BRWD3: variants seen among roughly 807,000 people sequenced by gnomAD.
BRWD3 encodes the protein bromodomain and WD repeat-containing protein 3.
In BRWD3, 10 loss-of-function variants were observed where a neutral mutation model predicts 149.7. That is an observed-to-expected ratio of 0.07 (90% CI 0.04 to 0.11). The LOEUF (loss-of-function observed/expected upper bound fraction) is 0.11. BRWD3 is among the 10% of genes least tolerant of loss of function. The pLI is 1.00. For synonymous variants in BRWD3, 504 were observed against 456.7 expected (o/e 1.10, Z -1.32); for missense variants, 940 against 1,373.2 (o/e 0.68, Z 4.99).
In BRWD3 at chrX:80,677,258, C is replaced by T. The variant is rs745616086; in HGVS notation, c.4760G>A (p.Gly1587Glu). The T allele has an allele frequency of 1.7e-6, 2 of 1,208,770 alleles. No homozygotes were observed. Among genetic ancestry groups the T allele is most frequent in the African/African-American group, 1.8e-5 (1 of 57,015 alleles). The change falls in exon 41 of 41, where the codon GGA becomes GAA. Residue 1587 changes from glycine to glutamate, a missense_variant. Coordinates refer to ENST00000373275, the MANE Select transcript of BRWD3 (RefSeq NM_153252.5). ...SASEEDENMG[G>E]EDKEKKETKE... ...TGTTTCTTTTTTCTCTTTATCTTCT[C>T]CTCCCATGTTTTCATCTTCTTCTGA... is the stretch of plus-strand genomic sequence containing the variant.
At chrX:80,746,859 C>T (rs1451328950) in intron 6 of BRWD3, 1 of 749,602 alleles carries the variant, frequency 1.3e-6, no homozygotes, top group East Asian at 1.5e-4. Flanking sequence ...CAGGCAAAGG[C>T]AGATCCACTG....
chrX:80,712,558 GC>G (rs1204154852), intron 20 of BRWD3, among the ~76,000 whole-genome samples: 5 of 111,000 alleles, frequency 4.5e-5, no homozygotes, highest in South Asian at 7.6e-4. Flanking sequence ...TGCAGCCTCT[GC>G]CCGGCCGCCA....
chrX:80,691,705 T>C, intron 30 of BRWD3, 118 bp downstream of exon 30: 1 of 912,103 alleles, frequency 1.1e-6, no homozygotes, highest in Non-Finnish European at 1.6e-6. Context: ...ACTGTGCTTC[T>C]TGAGTTAAAA....
At chrX:80,793,538 C>A in intron 5 of BRWD3, 84 bp downstream of exon 5, 1 of 985,938 alleles carries the variant, frequency 1.0e-6, no homozygotes, top group Non-Finnish European at 1.4e-6. Flanking sequence ...TTTAGAAAAG[C>A]ATGGGAACAT....
intron 4 of BRWD3, among the ~76,000 whole-genome samples, chrX:80,799,722 CTT>C (rs1569292402): frequency 2.7e-5 from 3 of 109,936 alleles, no homozygotes; most frequent in African/African-American, 9.9e-5. Context: ...AGCTGTTACT[CTT>C]TTTTGGCAGT....
At chrX:80,751,942 T>C (rs1463761925) in intron 6 of BRWD3, among the ~76,000 whole-genome samples, 1 of 109,125 alleles carries the variant, frequency 9.2e-6, no homozygotes, top group African/African-American at 3.3e-5. Context: ...TATGTATATA[T>C]AGCACATTTT....
At chrX:80,748,494 T>C (rs753541037) in intron 6 of BRWD3, among the ~76,000 whole-genome samples, 3 of 112,363 alleles carry the variant, frequency 2.7e-5, no homozygotes, top group Non-Finnish European at 5.6e-5. Context: ...TTTGGTAGAA[T>C]TCAACAGAAA....
At chrX:80,709,284 C>T in intron 21 of BRWD3, 144 bp downstream of exon 21, 1 of 433,140 alleles carries the variant, frequency 2.3e-6, no homozygotes, top group Non-Finnish European at 3.7e-6. Flanking sequence ...AATATACCTA[C>T]TAAATGTATT....
At position 80,744,372 on chromosome X, in the gene BRWD3, T is replaced by TC. The variant is rs1282478883; in HGVS notation, c.592-120dup. The TC allele has an allele frequency of 1.5e-5, 8 of 528,865 alleles. No individual in the cohort carries two copies. The East Asian group carries it at 2.9e-4, about 19-fold the overall frequency. The allele number at this position is 528,865 out of a possible 1,213,427, so 43.6% of individuals were successfully genotyped here. Reference sequence around the variant, plus strand: ...ACTTCTAAGCCTTTACTTTCTAGTCTCCTCTCTACATATAATAGGGATCCA... The same window carrying TC: ...ACTTCTAAGCCTTTACTTTCTAGTCTCCCTCTCTACATATAATAGGGATCCA... On this transcript the variant is annotated intron_variant, in intron 7 of 40. Coordinates refer to ENST00000373275, the MANE Select transcript of BRWD3 (RefSeq NM_153252.5).
chrX:80,673,861 G>T lies in BRWD3; in HGVS notation c.*2748C>A, dbSNP rs1475595667. 1 of 110,702 alleles carries T rather than the reference G, an allele frequency of 9.0e-6. No individual in the cohort carries two copies. The highest frequency in any genetic ancestry group is 1.9e-5 in the Non-Finnish European group (1 of 52,822). The allele number at this position is 110,702 out of a possible 1,213,427, so 9.1% of individuals were successfully genotyped here. The stretch of plus-strand genomic sequence containing the variant: ...TCTTTGTTCATTTTGTACTTGCTTT[G>T]CTATGGCTGGACCCAGATTTTACGT... On this transcript the variant is annotated 3_prime_UTR_variant, in exon 41 of 41. Coordinates refer to ENST00000373275, the MANE Select transcript of BRWD3 (RefSeq NM_153252.5).
intron 25 of BRWD3, among the ~76,000 whole-genome samples, chrX:80,697,766 A>G (rs1266045123): frequency 8.9e-6 from 1 of 111,787 alleles, no homozygotes; most frequent in Non-Finnish European, 1.9e-5. Flanking sequence ...GTGAATAGTG[A>G]TGTGACGAAC....
intron 16 of BRWD3, among the ~76,000 whole-genome samples, chrX:80,723,248 C>T (rs973868442): frequency 2.7e-5 from 3 of 111,368 alleles, no homozygotes; most frequent in African/African-American, 9.8e-5. Flanking sequence ...GACCTCAATG[C>T]TTGAGTTCTC....
At chrX:80,704,570 A>T in intron 23 of BRWD3, 108 bp downstream of exon 23, 1 of 801,609 alleles carries the variant, frequency 1.2e-6, no homozygotes, top group Non-Finnish European at 1.8e-6. Flanking sequence ...ACTTTCTCAG[A>T]TGAAATGTTA....
intron 6 of BRWD3, among the ~76,000 whole-genome samples, chrX:80,753,421 C>T (rs1198110790): frequency 9.1e-6 from 1 of 109,980 alleles, no homozygotes; most frequent in African/African-American, 3.3e-5. Context: ...AGGCGGCTGC[C>T]ACCACGTCTA....
intron 12 of BRWD3, 39 bp from the exon 13 acceptor site, chrX:80,730,059 A>C (rs2073303663): frequency 4.1e-6 from 4 of 976,788 alleles, no homozygotes; most frequent in Non-Finnish European, 5.8e-6. Context: ...TTTTCTCAAA[A>C]ATGTAAATCA....
intron 6 of BRWD3, among the ~76,000 whole-genome samples, chrX:80,768,367 T>C (rs1471681217): frequency 9.0e-6 from 1 of 111,612 alleles, no homozygotes; most frequent in Non-Finnish European, 1.9e-5. Context: ...GCCCATCAGA[T>C]TAACAGCGGA....
chrX:80,798,082 G>A (rs11797410), intron 4 of BRWD3, among the ~76,000 whole-genome samples: 17,316 of 110,300 alleles, frequency 0.16, 1,028 homozygotes, highest in South Asian at 0.42. Context: ...GCGACAGAGC[G>A]AGACTCCACC....
intron 20 of BRWD3, among the ~76,000 whole-genome samples, chrX:80,713,732 C>G (rs2073032562): frequency 8.9e-6 from 1 of 112,007 alleles, no homozygotes; most frequent in Non-Finnish European, 1.9e-5. Flanking sequence ...TCTTAGATTA[C>G]TTCTAACAAC....
chrX:80,795,365 ACAT>A (rs2147859078), intron 4 of BRWD3, among the ~76,000 whole-genome samples: 1 of 109,796 alleles, frequency 9.1e-6, no homozygotes, highest in Non-Finnish European at 1.9e-5. Context: ...ACACACACAC[ACAT>A]GTGTATATAT....
Sources: allele counts gnomAD v4.1 joint callset (sites outside exome capture counted in the v4.1 genomes callset), GRCh38; gene constraint gnomAD v4.1.1; transcripts MANE v1.5; gene names NCBI Gene and HGNC (gene_info 2026-07-23, HGNC 2026-07-21).